TBL1X: variants seen among roughly 807,000 people sequenced by gnomAD.
The protein encoded by TBL1X is transducin beta like 1 X-linked, also known as F-box-like/WD repeat-containing protein TBL1X.
Under a neutral mutation model 50.7 loss-of-function variants are expected in TBL1X, and 10 were observed. The observed-to-expected ratio is 0.20, with a 90% CI of 0.12 to 0.33. The LOEUF (loss-of-function observed/expected upper bound fraction) is 0.33. TBL1X is among the 10% of genes least tolerant of loss of function. TBL1X has a pLI of 1.00. For synonymous variants in TBL1X, 190 were observed against 214.7 expected (o/e 0.88, Z 1.01); for missense variants, 340 against 504.4 (o/e 0.67, Z 3.12).
intron 2 of TBL1X, among the ~76,000 whole-genome samples, chrX:9,508,135 CTA>C (rs777891371): frequency 2.0e-4 from 23 of 112,248 alleles, no homozygotes; most frequent in African/African-American, 7.4e-4. Context: ...GTAAAAGAAA[CTA>C]TGATCAGAGT....
chrX:9,620,594 G>T (rs1355662628), intron 2 of TBL1X, among the ~76,000 whole-genome samples: 1 of 112,219 alleles, frequency 8.9e-6, no homozygotes, highest in African/African-American at 3.2e-5. Flanking sequence ...GTAAGATGCA[G>T]CCGGAAGAGC....
intron 1 of TBL1X, among the ~76,000 whole-genome samples, chrX:9,486,329 G>C (rs1381221761): frequency 9.2e-6 from 1 of 108,892 alleles, no homozygotes; most frequent in Admixed American, 9.8e-5. Flanking sequence ...GACCTCCTGG[G>C]CTCAAGCGAT....
At chrX:9,628,707 C>A (rs965321474) in intron 2 of TBL1X, among the ~76,000 whole-genome samples, 6 of 110,567 alleles carry the variant, frequency 5.4e-5, no homozygotes, top group African/African-American at 2.0e-4. Flanking sequence ...GCCACCATGC[C>A]CAGCTAATTT....
Position 9,511,973 on chromosome X carries a change from A to C in TBL1X, c.-131+10124A>C, listed in dbSNP as rs1194910821. Among the ~76,000 whole-genome samples, 3 of 111,095 alleles carry C rather than the reference A, an allele frequency of 2.7e-5. No homozygotes were observed. The Admixed American group carries it at 2.9e-4, about 11-fold the overall frequency. Reference sequence around the variant, plus strand: ...CCTCTGGGGCTCAAGTGATTCTCCCACCTCAGCCTCCCAAGTAGTTGGGAT... The same window carrying C: ...CCTCTGGGGCTCAAGTGATTCTCCCCCCTCAGCCTCCCAAGTAGTTGGGAT... On this transcript the variant is annotated intron_variant, in intron 2 of 17. Transcript: ENST00000645353.
intron 2 of TBL1X, among the ~76,000 whole-genome samples, chrX:9,555,318 A>G (rs2082291279): frequency 9.0e-6 from 1 of 111,224 alleles, no homozygotes; most frequent in African/African-American, 3.3e-5. Flanking sequence ...GGCTCAAGCG[A>G]TCCTCCTGTT....
At chrX:9,482,925 TG>T (rs2081890872) in intron 1 of TBL1X, among the ~76,000 whole-genome samples, 1 of 111,585 alleles carries the variant, frequency 9.0e-6, no homozygotes, top group Non-Finnish European at 1.9e-5. Context: ...TGGCTGGCCT[TG>T]TGTCTGTTAA....
chrX:9,556,378 C>T (rs972872534), intron 2 of TBL1X, among the ~76,000 whole-genome samples: 1 of 109,264 alleles, frequency 9.2e-6, no homozygotes, highest in African/African-American at 3.3e-5. Context: ...CAGTTCTGGG[C>T]TGGGTATGGT....
At chrX:9,551,509 G>A (rs1057309093) in intron 2 of TBL1X, among the ~76,000 whole-genome samples, 6 of 111,115 alleles carry the variant, frequency 5.4e-5, no homozygotes, top group Non-Finnish European at 1.1e-4. Context: ...TTAGTGCAGC[G>A]TATTTCAACA....
chrX:9,527,156 T>C (rs936461522), intron 2 of TBL1X, among the ~76,000 whole-genome samples: 1 of 111,859 alleles, frequency 8.9e-6, no homozygotes, highest in Non-Finnish European at 1.9e-5. Context: ...CTAGCCCACG[T>C]TGGTGTAGGG....
chrX:9,564,773 T>C (rs1459952806), intron 2 of TBL1X, among the ~76,000 whole-genome samples: 1 of 105,700 alleles, frequency 9.5e-6, no homozygotes, highest in African/African-American at 3.5e-5. Flanking sequence ...TTGGTGTTAG[T>C]GTATTGGTCG....
intron 2 of TBL1X, among the ~76,000 whole-genome samples, chrX:9,545,055 G>T (rs1479976280): frequency 1.1e-5 from 1 of 87,872 alleles, no homozygotes; most frequent in African/African-American, 4.6e-5. Context: ...TGCCCAGGCT[G>T]CAATGCAGTG....
chrX:9,676,506 A>G (rs2082995220), intron 5 of TBL1X, among the ~76,000 whole-genome samples: 1 of 112,500 alleles, frequency 8.9e-6, no homozygotes, highest in African/African-American at 3.2e-5. Flanking sequence ...CCTGAGCTGT[A>G]TTCAGCCACC....
At position 9,487,971 on chromosome X, in the gene TBL1X, G is replaced by A. The variant is rs755424205; in HGVS notation, c.-200-13809G>A. ...ACTGATGCAGGAACAGAATCATAAG[G>A]TTGTTTACTTTTCTGAATTTATCAA... is the stretch of plus-strand genomic sequence containing the variant. On this transcript the variant is annotated intron_variant, in intron 1 of 17. Coordinates refer to ENST00000645353, the MANE Select transcript of TBL1X (RefSeq NM_005647.4). Among the ~76,000 whole-genome samples the A allele has an allele frequency of 2.7e-5, 3 of 111,796 alleles. No individual in the cohort carries two copies. In the South Asian group the frequency reaches 1.1e-3, roughly 42 times the overall value.
At chrX:9,701,495 C>G (rs1380622570) in intron 12 of TBL1X, among the ~76,000 whole-genome samples, 3 of 100,272 alleles carry the variant, frequency 3.0e-5, no homozygotes, top group Admixed American at 1.1e-4. Flanking sequence ...TTTGGTTTCC[C>G]TGGGCCACAT....
chrX:9,655,117 A>G (rs1334583843), intron 5 of TBL1X, among the ~76,000 whole-genome samples: 2 of 111,220 alleles, frequency 1.8e-5, no homozygotes, highest in Non-Finnish European at 3.8e-5. Context: ...CCACGTGTTT[A>G]TTACACACAG....
In TBL1X at chrX:9,717,490, C is replaced by T. The variant is rs939493620; in HGVS notation, c.*1244C>T. The T allele has an allele frequency of 4.5e-5, 5 of 112,207 alleles. No individual in the cohort carries two copies. The highest frequency in any genetic ancestry group is 9.4e-5 in the Non-Finnish European group (5 of 53,242). 9.2% of individuals were successfully genotyped at this position (112,207 alleles called of 1,213,427 possible). On this transcript the variant is annotated 3_prime_UTR_variant, in exon 18 of 18. Coordinates refer to ENST00000645353, the MANE Select transcript of TBL1X (RefSeq NM_005647.4). ...CTCTGCAGCCAGTGAGGGAGGTCCC[C>T]GCCATGCCGGCTGGAAGAAGAACCT...
rs1340076115 is a variant in TBL1X at position 9,647,993 on chromosome X, C to T, written c.-42-5552C>T. 2.7e-5 allele frequency among the ~76,000 whole-genome samples: 3 copies of T among 111,722 alleles called. No individual in the cohort carries two copies. In the Admixed American group the frequency reaches 2.8e-4, roughly 11 times the overall value. ...TTGACTCCTCACACTCTCCCCTTTA[C>T]ATAGGGGCTATTTGATACTCAGTTT... On this transcript the variant is annotated intron_variant, in intron 3 of 17. Transcript: ENST00000645353.
intron 2 of TBL1X, among the ~76,000 whole-genome samples, chrX:9,540,892 A>G (rs973786409): frequency 8.9e-6 from 1 of 112,090 alleles, no homozygotes; most frequent in Non-Finnish European, 1.9e-5. Flanking sequence ...TAAAGGTTGT[A>G]AAATGCTTTT....
At chrX:9,683,924 G>A in intron 5 of TBL1X, 119 bp from the exon 6 acceptor site, 1 of 1,075,722 alleles carries the variant, frequency 9.3e-7, no homozygotes, top group Non-Finnish European at 1.3e-6. Flanking sequence ...CTGCAGCCGT[G>A]TCTGTCCCTG....
Sources: allele counts gnomAD v4.1 joint callset (sites outside exome capture counted in the v4.1 genomes callset), GRCh38; gene constraint gnomAD v4.1.1; transcripts MANE v1.5; gene names NCBI Gene and HGNC (gene_info 2026-07-23, HGNC 2026-07-21).